Variants in THOC2 observed in about 807,000 individuals in gnomAD.
THOC2 encodes the protein THO complex subunit 2.
In THOC2, 10 loss-of-function variants were observed where a neutral mutation model predicts 128.4. That is an observed-to-expected ratio of 0.08 (90% CI 0.05 to 0.13). The LOEUF is 0.13. THOC2 is among the 10% of genes least tolerant of loss of function. THOC2 has a pLI of 1.00. For missense variants in THOC2, 535 were observed against 1,155.7 expected (o/e 0.46, Z 7.79); for synonymous variants, 393 against 396.9 (o/e 0.99, Z 0.12).
intron 4 of THOC2, among the ~76,000 whole-genome samples, 183 bp downstream of exon 4, chrX:123,703,271 T>A (rs1457883637): frequency 8.9e-6 from 1 of 112,213 alleles, no homozygotes; most frequent in East Asian, 2.8e-4. Context: ...ATTATACCTC[T>A]AAAGTTTGTT....
chrX:123,604,513 T>C (rs1187747011), intron 38 of THOC2, among the ~76,000 whole-genome samples: 1 of 111,249 alleles, frequency 9.0e-6, no homozygotes, highest in Non-Finnish European at 1.9e-5. Flanking sequence ...TACAGAGAGC[T>C]GTGATAGCAA....
At chrX:123,621,823 A>C (rs368648055) in intron 30 of THOC2, among the ~76,000 whole-genome samples, 1 of 111,311 alleles carries the variant, frequency 9.0e-6, no homozygotes, top group Admixed American at 9.5e-5. Context: ...AGGGTGGATC[A>C]CTTGAGGTCA....
chrX:123,678,744 C>T (rs2049622301), intron 8 of THOC2, among the ~76,000 whole-genome samples: 1 of 110,231 alleles, frequency 9.1e-6, no homozygotes, highest in Admixed American at 9.8e-5. Flanking sequence ...CCATTGTTGA[C>T]CGAAACATCA....
At chrX:123,698,423 A>C (rs746865183) in intron 4 of THOC2, among the ~76,000 whole-genome samples, 1 of 101,705 alleles carries the variant, frequency 9.8e-6, no homozygotes, top group South Asian at 4.7e-4. Context: ...GTGCCACTGC[A>C]CTCCAGCCTG....
chrX:123,654,172 G>A (rs1023986953), intron 12 of THOC2, among the ~76,000 whole-genome samples: 1 of 109,922 alleles, frequency 9.1e-6, no homozygotes, highest in Non-Finnish European at 1.9e-5. Flanking sequence ...ACCAAACACC[G>A]CATGTTCTCA....
intron 7 of THOC2, among the ~76,000 whole-genome samples, chrX:123,687,552 C>T (rs2050048580): frequency 1.8e-5 from 2 of 111,931 alleles, no homozygotes; most frequent in Non-Finnish European, 3.8e-5. Context: ...AACACTTATA[C>T]CTTATGGATG....
chrX:123,691,878 G>A lies in THOC2; in HGVS notation c.601+4143C>T, dbSNP rs915006373. The stretch of plus-strand genomic sequence containing the variant: ...GGCTTGTGGGTTAAATCCATTTAGC[G>A]GTCTGTTTTTGTAAATAACATTTTA... On this transcript the variant is annotated intron_variant, in intron 7 of 38. Transcript: ENST00000245838. Among the ~76,000 whole-genome samples the A allele has an allele frequency of 1.2e-4, 14 of 112,039 alleles. No homozygotes were observed. The East Asian group carries it at 3.1e-3, about 25-fold the overall frequency.
intron 33 of THOC2, among the ~76,000 whole-genome samples, chrX:123,614,409 T>C (rs1295228224): frequency 1.8e-5 from 2 of 110,861 alleles, no homozygotes; most frequent in Non-Finnish European, 3.8e-5. Flanking sequence ...ATCAGTTCAT[T>C]TGTGCCTCAA....
At position 123,687,987 on chromosome X, in the gene THOC2, G is replaced by C. The variant is rs776558144; in HGVS notation, c.602-1273C>G. Among the ~76,000 whole-genome samples, 5 of 112,000 alleles carry C rather than the reference G, an allele frequency of 4.5e-5. 1 individual carries two copies. The highest frequency in any genetic ancestry group is 9.4e-5 in the Non-Finnish European group (5 of 53,178). On this transcript the variant is annotated intron_variant, in intron 7 of 38. Coordinates refer to ENST00000245838, the MANE Select transcript of THOC2 (RefSeq NM_001081550.2). ...TGGCCTATGAATATAAAAGTGATTC[G>C]AAAATAGCAATTAAGATCCTTAAAT...
intron 7 of THOC2, among the ~76,000 whole-genome samples, chrX:123,691,334 T>A (rs2050214939): frequency 8.9e-6 from 1 of 111,833 alleles, no homozygotes; most frequent in African/African-American, 3.2e-5. Flanking sequence ...ACTTCAATAA[T>A]GTAAAAATTT....
At chrX:123,671,618 C>T in intron 9 of THOC2, 51 bp downstream of exon 9, 5 of 850,186 alleles carry the variant, frequency 5.9e-6, no homozygotes, top group Non-Finnish European at 5.0e-6. Flanking sequence ...ACTCCTCTTC[C>T]CTACCCTTGG....
chrX:123,694,620 G>GA (rs779530216), intron 7 of THOC2, among the ~76,000 whole-genome samples: 5 of 92,139 alleles, frequency 5.4e-5, no homozygotes, highest in East Asian at 3.7e-4. Flanking sequence ...AAAAAAAAAA[G>GA]AAAAAAAAAA....
intron 7 of THOC2, among the ~76,000 whole-genome samples, chrX:123,692,941 T>C (rs894194555): frequency 2.7e-5 from 3 of 111,670 alleles, no homozygotes; most frequent in Non-Finnish European, 5.6e-5. Context: ...AAGGAGGTAT[T>C]ACCTGTCTAG....
At chrX:123,606,927 T>C (rs1481659362) in intron 38 of THOC2, among the ~76,000 whole-genome samples, 1 of 111,705 alleles carries the variant, frequency 9.0e-6, no homozygotes, top group Non-Finnish European at 1.9e-5. Flanking sequence ...TAGCACAGCA[T>C]TTGGTTCACA....
chrX:123,688,788 A>G (rs1005313972), intron 7 of THOC2, among the ~76,000 whole-genome samples: 1 of 111,975 alleles, frequency 8.9e-6, no homozygotes, highest in Admixed American at 9.5e-5. Flanking sequence ...TGTGCATTTT[A>G]CTGTATGTCA....
At chrX:123,655,753 A>G (rs1031776594) in intron 12 of THOC2, among the ~76,000 whole-genome samples, 3 of 111,291 alleles carry the variant, frequency 2.7e-5, no homozygotes, top group Non-Finnish European at 5.7e-5. Context: ...ACTAAGCTTT[A>G]TTTGTAAATC....
intron 12 of THOC2, among the ~76,000 whole-genome samples, chrX:123,647,743 G>A (rs771671054): frequency 1.9e-5 from 2 of 104,948 alleles, no homozygotes; most frequent in Admixed American, 1.1e-4. Flanking sequence ...GCTGAGGCAG[G>A]AGAATCGCTT....
intron 7 of THOC2, among the ~76,000 whole-genome samples, chrX:123,694,307 C>T (rs1407275451): frequency 9.0e-6 from 1 of 111,354 alleles, no homozygotes; most frequent in Admixed American, 9.5e-5. Flanking sequence ...GAAAGTGTGG[C>T]GCCTACCCTA....
At chrX:123,603,048 T>C (rs2046341139) in intron 38 of THOC2, 1 of 108,547 alleles carries the variant, frequency 9.2e-6, no homozygotes, top group Non-Finnish European at 1.9e-5. Flanking sequence ...TTTGATGTTA[T>C]ATGAATTTTA....
Sources: gnomAD v4.1 joint callset for allele counts (sites outside exome capture counted in the v4.1 genomes callset) on GRCh38, gnomAD v4.1.1 for gene constraint, MANE v1.5 for transcripts, NCBI Gene and HGNC (gene_info 2026-07-23, HGNC 2026-07-21) for gene names.